DCAF17: variants seen among roughly 807,000 people sequenced by gnomAD.
DCAF17 encodes DDB1- and CUL4-associated factor 17.
DCAF17 carries 48 observed loss-of-function variants against 66.0 expected under a neutral mutation model. The ratio of observed to expected loss-of-function variants is 0.73; its 90% CI spans 0.58 to 0.92. The LOEUF (loss-of-function observed/expected upper bound fraction) is 0.92. DCAF17 is among the 40% of genes least tolerant of loss of function. The pLI is 0.00. For synonymous variants in DCAF17, 206 were observed against 214.6 expected (o/e 0.96, Z 0.35); for missense variants, 562 against 622.8 (o/e 0.90, Z 1.04).
At chr2:171,472,518 T>C (rs1369423814) in intron 9 of DCAF17, among the ~76,000 whole-genome samples, 2 of 152,188 alleles carry the variant, frequency 1.3e-5, no homozygotes, top group African/African-American at 2.4e-5. Context: ...TGTCTCTTAT[T>C]TGTAGCTATT....
chr2:171,449,085 T>G (rs1159357945), intron 4 of DCAF17, among the ~76,000 whole-genome samples: 3 of 152,164 alleles, frequency 2.0e-5, no homozygotes, highest in Non-Finnish European at 2.9e-5. Flanking sequence ...CTCTGCTTAC[T>G]GCAACCTCCA....
chr2:171,453,048 T>C (rs1343981634), intron 5 of DCAF17, 76 bp from the exon 6 acceptor site: 1 of 1,034,106 alleles, frequency 9.7e-7, no homozygotes, highest in African/African-American at 1.6e-5. Flanking sequence ...AACAGATGGA[T>C]TTTTTCAACT....
At chr2:171,473,529 T>G (rs911413108) in intron 9 of DCAF17, among the ~76,000 whole-genome samples, 1 of 152,048 alleles carries the variant, frequency 6.6e-6, no homozygotes, top group Non-Finnish European at 1.5e-5. Context: ...TTCCTTTGAG[T>G]GTTATTAAGA....
chr2:171,472,429 T>C (rs1212920712), intron 9 of DCAF17, among the ~76,000 whole-genome samples: 1 of 152,224 alleles, frequency 6.6e-6, no homozygotes, highest in Non-Finnish European at 1.5e-5. Context: ...TCCACCTGCC[T>C]CGGCCTCCCA....
chr2:171,446,375 G>A (rs754834566), intron 3 of DCAF17, among the ~76,000 whole-genome samples: 2 of 151,830 alleles, frequency 1.3e-5, no homozygotes, highest in East Asian at 1.9e-4. Context: ...GTGAAACCCC[G>A]TCTCTACTAA....
At position 171,448,944 on chromosome 2, in the gene DCAF17, A is replaced by G. The variant is rs968340544; in HGVS notation, c.458+127A>G. ...TTACCAGATCTCAATTAATAAACCT[A>G]TTTTCTTTTTCTCCCCTCATGACTA... On this transcript the variant is annotated intron_variant, in intron 4 of 13. Transcript: ENST00000375255. 1.4e-5 allele frequency: 12 copies of G among 832,602 alleles called. 2 individuals carry two copies. The highest frequency in any genetic ancestry group is 1.3e-4 in the South Asian group (8 of 61,030). The allele number at this position is 832,602 out of a possible 1,614,324, so 51.6% of individuals were successfully genotyped here.
chr2:171,448,844 G>C lies in DCAF17; in HGVS notation c.458+27G>C, dbSNP rs759155559. ...TATTTACTGTGAATTTATTATTCAA[G>C]ATTTTATTTTAAAAATTTGAAACCT... On this transcript the variant is annotated intron_variant, in intron 4 of 13. Transcript: ENST00000375255. The C allele has an allele frequency of 1.9e-6, 3 of 1,596,862 alleles. No homozygotes were observed. The Admixed American group carries it at 5.0e-5, about 27-fold the overall frequency.
At chr2:171,440,452 G>C (rs527782481) in intron 2 of DCAF17, among the ~76,000 whole-genome samples, 13 of 152,254 alleles carry the variant, frequency 8.5e-5, no homozygotes, top group Admixed American at 8.5e-4. Flanking sequence ...GCACACACCT[G>C]TAGTCCCAGC....
intron 10 of DCAF17, among the ~76,000 whole-genome samples, chr2:171,475,131 G>A (rs1696437527): frequency 6.6e-6 from 1 of 152,108 alleles, no homozygotes; most frequent in Non-Finnish European, 1.5e-5. Context: ...AGAAAACTGA[G>A]GGCCTGTTCC....
chr2:171,464,044 A>G (rs773966484), intron 8 of DCAF17, among the ~76,000 whole-genome samples: 1 of 152,294 alleles, frequency 6.6e-6, no homozygotes, highest in South Asian at 2.1e-4. Flanking sequence ...ATTCTTAATG[A>G]TGTTCAAATT....
chr2:171,459,481 T>C (rs1212324440), intron 8 of DCAF17, among the ~76,000 whole-genome samples: 1 of 152,238 alleles, frequency 6.6e-6, no homozygotes, highest in East Asian at 1.9e-4. Flanking sequence ...AAATTTTCTT[T>C]ATTATCCTAA....
intron 6 of DCAF17, among the ~76,000 whole-genome samples, chr2:171,454,882 CA>C (rs1260304343): frequency 0.014 from 1,908 of 137,802 alleles, 29 homozygotes; most frequent in African/African-American, 0.039. Flanking sequence ...AACTCCATCT[CA>C]AAAAAAAAAA....
At chr2:171,473,520 TC>T (rs1696357520) in intron 9 of DCAF17, among the ~76,000 whole-genome samples, 2 of 152,132 alleles carry the variant, frequency 1.3e-5, no homozygotes, top group South Asian at 4.1e-4. Context: ...TTTCAGTACT[TC>T]CTTTGAGTGT....
intron 2 of DCAF17, among the ~76,000 whole-genome samples, chr2:171,439,546 G>A (rs1186004412): frequency 2.1e-5 from 1 of 47,502 alleles, no homozygotes; most frequent in Admixed American, 2.3e-4. Flanking sequence ...ATTTTTATCT[G>A]TGTTTAATTT....
intron 3 of DCAF17, among the ~76,000 whole-genome samples, chr2:171,446,313 C>T (rs929112471): frequency 6.6e-6 from 1 of 151,784 alleles, no homozygotes; most frequent in Admixed American, 6.6e-5. Context: ...TTTGGGAGGC[C>T]GAGGCGGGCA....
Position 171,483,562 on chromosome 2 carries a change from C to T in DCAF17, c.*2448C>T. 2.2e-6 allele frequency: 1 copy of T among 454,106 alleles called. No individual in the cohort carries two copies. The highest frequency in any genetic ancestry group is 4.4e-6 in the Non-Finnish European group (1 of 226,796). The allele number at this position is 454,106 out of a possible 1,614,324, so 28.1% of individuals were successfully genotyped here. ...AATCCTATCCTATTTACTATTTGTG[C>T]TACCTAGTGAGGAGATACCGCTCTG... On this transcript the variant is annotated 3_prime_UTR_variant, in exon 14 of 14. Transcript: ENST00000375255.
At chr2:171,445,670 TA>T (rs1179889296) in intron 3 of DCAF17, among the ~76,000 whole-genome samples, 7 of 152,160 alleles carry the variant, frequency 4.6e-5, no homozygotes, top group Non-Finnish European at 1.0e-4. Flanking sequence ...GTATATTTTT[TA>T]AAACTTAAAT....
At chr2:171,469,396 G>A (rs530291555) in intron 9 of DCAF17, among the ~76,000 whole-genome samples, 22 of 152,194 alleles carry the variant, frequency 1.4e-4, no homozygotes, top group Admixed American at 1.2e-3. Context: ...GCTTCTCCAC[G>A]GCTTGTTGCT....
At chr2:171,472,948 G>T (rs36112363) in intron 9 of DCAF17, 63,704 of 316,688 alleles carry the variant, frequency 0.2, 6,881 homozygotes, top group Admixed American at 0.27. Context: ...AGTGCTTCTG[G>T]ATATAAGGTA....
Sources: allele counts gnomAD v4.1 joint callset (sites outside exome capture counted in the v4.1 genomes callset), GRCh38; gene constraint gnomAD v4.1.1; transcripts MANE v1.5; gene names NCBI Gene and HGNC (gene_info 2026-07-23, HGNC 2026-07-21).